Variants in RDX observed in about 807,000 individuals in gnomAD.
RDX encodes the protein radixin, also known as deafness, autosomal recessive 24.
A neutral mutation model predicts 83.7 loss-of-function variants in RDX; 32 were observed. The ratio of observed to expected loss-of-function variants is 0.38; its 90% CI spans 0.29 to 0.51. The LOEUF is 0.51. Ranked by LOEUF, RDX falls within the 20% of genes least tolerant of loss-of-function variation. The pLI, the probability that RDX is intolerant of heterozygous loss-of-function variation, is 0.87. For missense variants in RDX, 600 were observed against 689.9 expected, an observed-to-expected ratio of 0.87 and a Z score of 1.46; for synonymous variants, 229 against 222.7, an observed-to-expected ratio of 1.03 and a Z score of -0.25.
intron 1 of RDX, among the ~76,000 whole-genome samples, chr11:110,291,571 A>G (rs982372589): frequency 6.6e-6 from 1 of 152,076 alleles, no homozygotes; most frequent in Non-Finnish European, 1.5e-5. Flanking sequence ...GATGGGATGC[A>G]GCAGCCAAAC....
At chr11:110,198,527 G>A (rs1046786153) in intron 15 of RDX, among the ~76,000 whole-genome samples, 4 of 152,194 alleles carry the variant, frequency 2.6e-5, no homozygotes, top group East Asian at 3.8e-4. Flanking sequence ...TGGCCTGAGC[G>A]CCGCCTCTTG....
chr11:110,192,054 T>G (rs1335783707), intron 15 of RDX, among the ~76,000 whole-genome samples: 2 of 151,996 alleles, frequency 1.3e-5, no homozygotes, highest in Non-Finnish European at 2.9e-5. Context: ...TTCATATTGA[T>G]CCAAGAAAGA....
In RDX at chr11:110,263,988, G is replaced by C; in HGVS notation, c.439C>G (p.Leu147Val). The change falls in exon 5 of 14, where the codon CTG becomes GTG. Residue 147 changes from leucine to valine, a missense_variant. Transcript: ENST00000645495. ...YNKEIHKPGY[L>V]ANDRLLPQRV... ...TGGGGTAGGAGTCTATCATTAGCCAGGTAGCCTGGCTTATGAATCTCTTTA... is the reference window on the plus strand; with the variant it reads ...TGGGGTAGGAGTCTATCATTAGCCACGTAGCCTGGCTTATGAATCTCTTTA... 6.2e-7 allele frequency: 1 copy of C among 1,613,742 alleles called. No homozygotes were observed. Among genetic ancestry groups the C allele is most frequent in the Non-Finnish European group, 8.5e-7 (1 of 1,179,740 alleles).
In RDX at chr11:110,231,610, A is replaced by AG. The variant is rs1403342038; in HGVS notation, c.*258dup. ...TGTTAATCTTCAACAGAAAAAAAAA[A>AG]GAAAAAGAAAAAAAATGTGAAAAGA... On this transcript the variant is annotated 3_prime_UTR_variant, in exon 14 of 14. Transcript: ENST00000645495. The AG allele has an allele frequency of 2.0e-6, 1 of 504,716 alleles. No individual in the cohort carries two copies. The highest frequency in any genetic ancestry group is 1.9e-5 in the African/African-American group (1 of 52,162). 31.3% of individuals were successfully genotyped at this position (504,716 alleles called of 1,614,324 possible). A position where few individuals can be genotyped will look rare whatever the true frequency, so the allele number is the denominator to read the frequency against.
chr11:110,185,137 C>G (rs1365210558), intron 15 of RDX: 1 of 152,214 alleles, frequency 6.6e-6, no homozygotes, highest in Non-Finnish European at 1.5e-5. Flanking sequence ...GAGAACTGAG[C>G]ATGTCTCAAA....
intron 2 of RDX, among the ~76,000 whole-genome samples, chr11:110,277,928 A>G (rs369144245): frequency 6.6e-6 from 1 of 152,178 alleles, no homozygotes; most frequent in Non-Finnish European, 1.5e-5. Flanking sequence ...TTACAGTTTG[A>G]GCTTTTGCAT....
intron 10 of RDX, among the ~76,000 whole-genome samples, chr11:110,242,125 T>C (rs1188173600): frequency 2.6e-5 from 4 of 152,148 alleles, no homozygotes; most frequent in Non-Finnish European, 4.4e-5. Context: ...ACATTCCCAA[T>C]ATATTTTGCA....
At chr11:110,215,040 A>C (rs1163545602) in intron 14 of RDX, among the ~76,000 whole-genome samples, 342 of 80,236 alleles carry the variant, frequency 4.3e-3, no homozygotes, top group African/African-American at 0.016. Flanking sequence ...ACCTAACAAA[A>C]AAAAAAAAAA....
intron 1 of RDX, among the ~76,000 whole-genome samples, chr11:110,295,649 A>AAAC (rs1861420405): frequency 6.6e-6 from 1 of 150,758 alleles, no homozygotes; most frequent in Admixed American, 6.6e-5. Context: ...ACTGAAAAAA[A>AAAC]AAAAAAAACA....
At chr11:110,283,985 A>G (rs1784661) in intron 1 of RDX, among the ~76,000 whole-genome samples, 116,442 of 152,060 alleles carry the variant, frequency 0.77, 44,825 homozygotes, top group East Asian at 0.83. Flanking sequence ...AAGAAACTTC[A>G]CCAACAAAAC....
intron 2 of RDX, chr11:110,273,111 C>A (rs574165378): frequency 2.2e-6 from 1 of 455,698 alleles, no homozygotes; most frequent in South Asian, 1.5e-5. Context: ...TTCCAGGAAG[C>A]TGAGATGGGA....
Position 110,268,866 on chromosome 11 carries a change from G to A in RDX, c.96+3670C>T, listed in dbSNP as rs548208081. ...TTTAGAAGTGAATCTGCTTGGGCAC[G>A]TAACTATAACATAGGTATATTTATT... On this transcript the variant is annotated intron_variant, in intron 3 of 13. Coordinates refer to ENST00000645495, the MANE Select transcript of RDX (RefSeq NM_002906.4). Among the ~76,000 whole-genome samples, 77 of 151,266 alleles carry A rather than the reference G, an allele frequency of 5.1e-4. 1 individual carries two copies. The highest frequency in any genetic ancestry group is 1.7e-3 in the African/African-American group (71 of 41,216).
chr11:110,276,800 AT>A (rs1860535477), intron 2 of RDX, among the ~76,000 whole-genome samples: 1 of 152,218 alleles, frequency 6.6e-6, no homozygotes, highest in Admixed American at 6.5e-5. Context: ...TAATTTTGAC[AT>A]CCTAAAAGCA....
chr11:110,200,993 T>C (rs1430776147), intron 14 of RDX, among the ~76,000 whole-genome samples: 5 of 152,038 alleles, frequency 3.3e-5, no homozygotes, highest in East Asian at 1.9e-4. Context: ...CTGACCAACA[T>C]AGAGAAATCC....
At chr11:110,269,346 C>T (rs1860198513) in intron 3 of RDX, among the ~76,000 whole-genome samples, 1 of 152,134 alleles carries the variant, frequency 6.6e-6, no homozygotes, top group Admixed American at 6.5e-5. Context: ...GGTATGAACA[C>T]TCTTTACACT....
At chr11:110,199,643 C>T (rs1329417585) in exon 15 of RDX, 9 of 702,994 alleles carry the variant, frequency 1.3e-5, no homozygotes, top group East Asian at 8.0e-5. Context: ...TTGGCAAGAG[C>T]GCATCTGGAA....
chr11:110,206,020 C>T (rs962378271), intron 14 of RDX, among the ~76,000 whole-genome samples: 4 of 152,038 alleles, frequency 2.6e-5, no homozygotes, highest in African/African-American at 9.7e-5. Flanking sequence ...CTTTGGGAGA[C>T]CAAGACTGGT....
chr11:110,181,458 G>A lies in RDX; in HGVS notation c.*32-6224C>T, dbSNP rs149084029. Among the ~76,000 whole-genome samples the A allele has an allele frequency of 2.8e-4, 43 of 152,294 alleles. No individual in the cohort carries two copies. In the East Asian group the frequency reaches 8.1e-3, roughly 29 times the overall value. On this transcript the variant is annotated intron_variant, in intron 15 of 15. Coordinates refer to the RDX transcript ENST00000528498. Reference sequence around the variant, plus strand: ...ATTGCAGGCGTGAGCCACCGCGCCTGGCCAGGGCTGCATCTTAATGCTCCT... The same window carrying A: ...ATTGCAGGCGTGAGCCACCGCGCCTAGCCAGGGCTGCATCTTAATGCTCCT...
Position 110,237,566 on chromosome 11 carries a change from G to A in RDX, c.1177C>T (p.Arg393Cys), listed in dbSNP as rs750035123. 6.8e-6 allele frequency: 11 copies of A among 1,613,846 alleles called. No individual in the cohort carries two copies. Among genetic ancestry groups the A allele is most frequent in the East Asian group, 2.2e-5 (1 of 44,900 alleles). ...GACTTTGCCTCTTCAGCAGCTCGACGCTCCTTTTCAAGTCGTTCTGCTTCT... is the reference window on the plus strand; with the variant it reads ...GACTTTGCCTCTTCAGCAGCTCGACACTCCTTTTCAAGTCGTTCTGCTTCT... Reference protein sequence around the residue: ...KEEAERLEKERRAAEEAKSAI... With the variant: ...KEEAERLEKECRAAEEAKSAI... The change falls in exon 11 of 14, where the codon CGT (arginine) becomes TGT (cysteine). Residue 393 changes from arginine to cysteine, a missense_variant. Coordinates refer to ENST00000645495, the MANE Select transcript of RDX (RefSeq NM_002906.4).
Sources: gnomAD v4.1 joint callset for allele counts (sites outside exome capture counted in the v4.1 genomes callset) on GRCh38, gnomAD v4.1.1 for gene constraint, MANE v1.5 for transcripts, NCBI Gene and HGNC (gene_info 2026-07-23, HGNC 2026-07-21) for gene names.